DLGAP1: variants seen among roughly 807,000 people sequenced by gnomAD.
DLGAP1 encodes the protein disks large-associated protein 1.
DLGAP1 carries 11 observed loss-of-function variants against 90.8 expected under a neutral mutation model. The observed-to-expected ratio is 0.12, with a 90% CI of 0.08 to 0.20. The LOEUF (loss-of-function observed/expected upper bound fraction) is 0.20. DLGAP1 is among the 10% of genes least tolerant of loss of function. The pLI is 1.00. For missense variants in DLGAP1, 1,050 were observed against 1,333.8 expected (o/e 0.79, Z 3.31); for synonymous variants, 558 against 540.7 (o/e 1.03, Z -0.44).
At chr18:3,825,555 T>C (rs2067664941) in intron 4 of DLGAP1, among the ~76,000 whole-genome samples, 1 of 152,226 alleles carries the variant, frequency 6.6e-6, no homozygotes, top group South Asian at 2.1e-4. Flanking sequence ...ATTCAAGTTT[T>C]GTTTTGTGCA....
rs551962450 is a variant in DLGAP1 at position 4,341,399 on chromosome 18, G to C, written c.-267+113607C>G. On this transcript the variant is annotated intron_variant, in intron 1 of 12. Coordinates refer to ENST00000315677, the MANE Select transcript of DLGAP1 (RefSeq NM_004746.4). ...AAAACAAGACAATTGGATTATCAAT[G>C]AACACCATAGTAATCAATACCAAAA... 1.1e-4 allele frequency among the ~76,000 whole-genome samples: 16 copies of C among 152,168 alleles called. No individual in the cohort carries two copies. In the South Asian group the frequency reaches 3.1e-3, roughly 30 times the overall value.
intron 6 of DLGAP1, among the ~76,000 whole-genome samples, chr18:3,738,574 G>A (rs1274256989): frequency 6.6e-6 from 1 of 151,914 alleles, no homozygotes; most frequent in Non-Finnish European, 1.5e-5. Flanking sequence ...CTAGCCATAT[G>A]TAGAAAGCTG....
At chr18:4,388,503 T>G (rs942620001) in intron 1 of DLGAP1, among the ~76,000 whole-genome samples, 3 of 151,986 alleles carry the variant, frequency 2.0e-5, no homozygotes, top group African/African-American at 7.3e-5. Context: ...GCCTAGAGGG[T>G]ACATATAGTT....
chr18:4,055,926 T>G (rs1336009397), intron 2 of DLGAP1, among the ~76,000 whole-genome samples: 1 of 152,194 alleles, frequency 6.6e-6, no homozygotes, highest in Non-Finnish European at 1.5e-5. Context: ...CACTCCACTG[T>G]TGCCACGGCT....
intron 2 of DLGAP1, among the ~76,000 whole-genome samples, chr18:4,073,907 A>T (rs1466674530): frequency 6.6e-6 from 1 of 152,176 alleles, no homozygotes; most frequent in Non-Finnish European, 1.5e-5. Context: ...TTTAAAATAG[A>T]TAAAATGAAA....
At chr18:3,937,300 C>T (rs960491037) in intron 3 of DLGAP1, among the ~76,000 whole-genome samples, 1 of 152,186 alleles carries the variant, frequency 6.6e-6, no homozygotes, top group Non-Finnish European at 1.5e-5. Context: ...CGCAGTTCCA[C>T]TGTGATTGTG....
At chr18:4,336,178 C>G (rs2081063743) in intron 1 of DLGAP1, among the ~76,000 whole-genome samples, 1 of 152,210 alleles carries the variant, frequency 6.6e-6, no homozygotes, top group African/African-American at 2.4e-5. Flanking sequence ...CCCATTGGCA[C>G]AGAAAAAGAT....
chr18:3,541,278 A>C (rs545458213), intron 9 of DLGAP1, among the ~76,000 whole-genome samples: 8 of 152,338 alleles, frequency 5.3e-5, no homozygotes, highest in African/African-American at 1.9e-4. Context: ...GAAAGAAAGA[A>C]GAAGGGAAAG....
intron 3 of DLGAP1, chr18:3,896,246 TA>T (rs1310642531): frequency 7.9e-5 from 12 of 152,210 alleles, no homozygotes; most frequent in Admixed American, 3.9e-4. Context: ...CTGAGGTCTG[TA>T]AGACTTAAAG....
At chr18:3,838,329 C>T (rs1392543790) in intron 4 of DLGAP1, among the ~76,000 whole-genome samples, 1 of 152,178 alleles carries the variant, frequency 6.6e-6, no homozygotes, top group Non-Finnish European at 1.5e-5. Context: ...AAGAAATATT[C>T]TGTTGTATGG....
chr18:4,365,274 C>A (rs2081736697), intron 1 of DLGAP1, among the ~76,000 whole-genome samples: 1 of 152,088 alleles, frequency 6.6e-6, no homozygotes, highest in African/African-American at 2.4e-5. Flanking sequence ...GTACCCTAAG[C>A]TTCTACCTTA....
intron 2 of DLGAP1, among the ~76,000 whole-genome samples, chr18:4,015,069 TAAAGAG>T (rs2074497892): frequency 6.6e-6 from 1 of 152,136 alleles, no homozygotes; most frequent in Admixed American, 6.5e-5. Context: ...ACAGAAATAT[TAAAGAG>T]AAAGTGTTTA....
intron 7 of DLGAP1, among the ~76,000 whole-genome samples, chr18:3,686,695 A>G (rs1464969784): frequency 6.6e-6 from 1 of 152,184 alleles, no homozygotes; most frequent in African/African-American, 2.4e-5. Context: ...TAAAATCTAT[A>G]AAGTAGGGTG....
chr18:4,221,764 C>T lies in DLGAP1; in HGVS notation c.-266-70477G>A, dbSNP rs142655047. On this transcript the variant is annotated intron_variant, in intron 1 of 12. Transcript: ENST00000315677. ...TTGACTTGTACATGACTTTTTGCCT[C>T]CATTTTCTCCCTCCCCATTACTACT... is the stretch of plus-strand genomic sequence containing the variant. Among the ~76,000 whole-genome samples, 828 of 152,224 alleles carry T rather than the reference C, an allele frequency of 5.4e-3. 10 individuals are homozygous for T. The highest frequency in any genetic ancestry group is 0.019 in the African/African-American group (799 of 41,546).
intron 2 of DLGAP1, among the ~76,000 whole-genome samples, chr18:4,032,721 C>CTATA (rs2074816554): frequency 6.7e-6 from 1 of 149,830 alleles, no homozygotes; most frequent in Non-Finnish European, 1.5e-5. Context: ...GATTTAGGGG[C>CTATA]TAGTAGGAAG....
At chr18:3,787,602 G>A (rs1285185500) in intron 5 of DLGAP1, among the ~76,000 whole-genome samples, 3 of 150,838 alleles carry the variant, frequency 2.0e-5, no homozygotes, top group South Asian at 2.1e-4. Context: ...TGAGTCATAC[G>A]AAAGTAGTAT....
At chr18:3,785,820 T>C (rs1019061594) in intron 5 of DLGAP1, among the ~76,000 whole-genome samples, 7 of 152,282 alleles carry the variant, frequency 4.6e-5, no homozygotes, top group South Asian at 4.1e-4. Flanking sequence ...CCCTATGCCT[T>C]AGGAGAAACA....
intron 7 of DLGAP1, among the ~76,000 whole-genome samples, chr18:3,663,736 T>A (rs2059770303): frequency 6.6e-6 from 1 of 152,212 alleles, no homozygotes; most frequent in African/African-American, 2.4e-5. Flanking sequence ...GCCAGGCATG[T>A]GAATAATGCT....
rs2065559160 is a variant in DLGAP1, at chr18:3,788,368, C to T, written c.1172+25691G>A. 2.0e-5 allele frequency among the ~76,000 whole-genome samples: 3 copies of T among 152,074 alleles called. No individual in the cohort carries two copies. In the South Asian group the frequency reaches 6.2e-4, roughly 32 times the overall value. ...TAAGCTAGATGTTTTTGCCTCATTCCCCCCTGCTTAATCCTTTCAATCCTC... is the reference window on the plus strand; with the variant it reads ...TAAGCTAGATGTTTTTGCCTCATTCTCCCCTGCTTAATCCTTTCAATCCTC... On this transcript the variant is annotated intron_variant, in intron 5 of 12. Coordinates refer to ENST00000315677, the MANE Select transcript of DLGAP1 (RefSeq NM_004746.4).
Sources: allele counts gnomAD v4.1 joint callset (sites outside exome capture counted in the v4.1 genomes callset), GRCh38; gene constraint gnomAD v4.1.1; transcripts MANE v1.5; gene names NCBI Gene and HGNC (gene_info 2026-07-23, HGNC 2026-07-21).